PDGFC: variants seen among roughly 807,000 people sequenced by gnomAD.
PDGFC encodes platelet-derived growth factor C.
In PDGFC, 12 loss-of-function variants were observed where a neutral mutation model predicts 35.5. That is an observed-to-expected ratio of 0.34 (90% CI 0.22 to 0.55). The LOEUF is 0.55. Ranked by LOEUF, PDGFC falls within the 20% of genes least tolerant of loss-of-function variation. PDGFC has a pLI of 0.91. For missense variants in PDGFC, 322 were observed against 412.4 expected (o/e 0.78, Z 1.90); for synonymous variants, 159 against 148.8 (o/e 1.07, Z -0.50).
chr4:156,948,968 G>A (rs1181834642), intron 1 of PDGFC, among the ~76,000 whole-genome samples: 1 of 151,848 alleles, frequency 6.6e-6, no homozygotes, highest in East Asian at 1.9e-4. Context: ...CTAGCCAAGG[G>A]ACCAGTGTGA....
intron 2 of PDGFC, among the ~76,000 whole-genome samples, chr4:156,813,051 G>A (rs1227434745): frequency 2.0e-5 from 3 of 152,080 alleles, no homozygotes; most frequent in Admixed American, 1.3e-4. Flanking sequence ...TGTGTGTGCG[G>A]GATGTGGAAG....
intron 1 of PDGFC, among the ~76,000 whole-genome samples, chr4:156,873,151 T>G (rs1316676492): frequency 6.6e-6 from 1 of 152,114 alleles, no homozygotes; most frequent in Non-Finnish European, 1.5e-5. Flanking sequence ...AGAAGAATGC[T>G]CATATATAAT....
At chr4:156,818,411 A>G (rs1732151194) in intron 2 of PDGFC, among the ~76,000 whole-genome samples, 2 of 151,086 alleles carry the variant, frequency 1.3e-5, no homozygotes, top group Non-Finnish European at 1.5e-5. Context: ...TAGTGTCTTC[A>G]CCGGAGTTGT....
chr4:156,871,369 G>A (rs1303099515), intron 1 of PDGFC, among the ~76,000 whole-genome samples: 3 of 152,110 alleles, frequency 2.0e-5, no homozygotes, highest in African/African-American at 7.2e-5. Flanking sequence ...AGGACCCAGT[G>A]AGTCTAACCA....
chr4:156,947,608 T>C (rs1283948323), intron 1 of PDGFC, among the ~76,000 whole-genome samples: 1 of 152,016 alleles, frequency 6.6e-6, no homozygotes, highest in Non-Finnish European at 1.5e-5. Flanking sequence ...AGAGGTGGTA[T>C]CACAAAACAA....
chr4:156,784,081 C>G (rs1357885472), intron 3 of PDGFC, among the ~76,000 whole-genome samples: 1 of 152,150 alleles, frequency 6.6e-6, no homozygotes, highest in Non-Finnish European at 1.5e-5. Context: ...ATATATCCAG[C>G]AGACAACTGC....
At chr4:156,778,753 T>C (rs1730895530) in intron 3 of PDGFC, among the ~76,000 whole-genome samples, 1 of 152,210 alleles carries the variant, frequency 6.6e-6, no homozygotes. Context: ...TGAATCTTCC[T>C]TGGACAAATA....
At chr4:156,819,997 G>A (rs1360854426) in intron 2 of PDGFC, among the ~76,000 whole-genome samples, 1 of 152,210 alleles carries the variant, frequency 6.6e-6, no homozygotes, top group African/African-American at 2.4e-5. Flanking sequence ...GGAAGTAACT[G>A]CACAGGTGGT....
rs755171564 is a variant in PDGFC at position 156,850,075 on chromosome 4, CAT to C, written c.314+144_314+145del. The C allele has an allele frequency of 3.0e-4, 145 of 478,660 alleles. 1 individual carries two copies. The highest frequency in any genetic ancestry group is 3.2e-4 in the Non-Finnish European group (87 of 274,460). 29.7% of individuals were successfully genotyped at this position (478,660 alleles called of 1,614,324 possible). On this transcript the variant is annotated intron_variant, in intron 2 of 5. Transcript: ENST00000502773. ...TTTTAAATGAAGACTTCAAATAAAA[CAT>C]AGCTTCAATAAGGCTGGAAATTTCT...
At chr4:156,898,404 T>G (rs1162063914) in intron 1 of PDGFC, among the ~76,000 whole-genome samples, 2 of 152,186 alleles carry the variant, frequency 1.3e-5, no homozygotes, top group African/African-American at 4.8e-5. Flanking sequence ...AACTAATAAC[T>G]ACTGAAGTGA....
At chr4:156,851,675 G>A (rs1324942684) in intron 1 of PDGFC, among the ~76,000 whole-genome samples, 2 of 152,252 alleles carry the variant, frequency 1.3e-5, no homozygotes, top group Non-Finnish European at 2.9e-5. Context: ...CCATCGCGGT[G>A]GCTCACGCCT....
intron 1 of PDGFC, among the ~76,000 whole-genome samples, chr4:156,881,265 T>G (rs1730234403): frequency 1.3e-5 from 2 of 152,206 alleles, no homozygotes; most frequent in African/African-American, 2.4e-5. Flanking sequence ...TGTTAAGACT[T>G]TTTGCAATAA....
At chr4:156,826,501 T>C (rs79452763) in intron 2 of PDGFC, among the ~76,000 whole-genome samples, 9,029 of 152,054 alleles carry the variant, frequency 0.059, 881 homozygotes, top group African/African-American at 0.21. Context: ...CATGCCATTG[T>C]AATTTTTGGT....
intron 1 of PDGFC, among the ~76,000 whole-genome samples, chr4:156,873,173 A>C (rs947712182): frequency 2.0e-5 from 3 of 152,206 alleles, no homozygotes; most frequent in Admixed American, 1.3e-4. Context: ...CTAAATGTAT[A>C]ATGAGATTAC....
intron 1 of PDGFC, among the ~76,000 whole-genome samples, chr4:156,926,804 T>A (rs1487261766): frequency 6.6e-6 from 1 of 152,150 alleles, no homozygotes; most frequent in Non-Finnish European, 1.5e-5. Context: ...TCAGAGGATC[T>A]AGCATTCCAG....
chr4:156,777,382 T>C (rs1296377510), intron 3 of PDGFC, among the ~76,000 whole-genome samples: 1 of 152,200 alleles, frequency 6.6e-6, no homozygotes, highest in Non-Finnish European at 1.5e-5. Flanking sequence ...ACTCACAGTA[T>C]CTCAGAATGC....
intron 1 of PDGFC, among the ~76,000 whole-genome samples, chr4:156,921,915 AC>A (rs1173222331): frequency 2.0e-5 from 3 of 152,066 alleles, no homozygotes; most frequent in Non-Finnish European, 2.9e-5. Flanking sequence ...ACACAAACAC[AC>A]ACTAGTATTT....
intron 3 of PDGFC, among the ~76,000 whole-genome samples, chr4:156,792,396 TA>T (rs922428043): frequency 2.0e-5 from 3 of 150,252 alleles, no homozygotes; most frequent in Non-Finnish European, 2.9e-5. Context: ...AGTTAGAATG[TA>T]AAAGTCACAT....
intron 2 of PDGFC, among the ~76,000 whole-genome samples, chr4:156,811,605 G>A (rs1407481072): frequency 2.0e-5 from 3 of 152,048 alleles, no homozygotes; most frequent in African/African-American, 7.2e-5. Context: ...AACCATATAT[G>A]TGTATAAGTG....
Sources: gnomAD v4.1 joint callset for allele counts (sites outside exome capture counted in the v4.1 genomes callset) on GRCh38, gnomAD v4.1.1 for gene constraint, MANE v1.5 for transcripts, NCBI Gene and HGNC (gene_info 2026-07-23, HGNC 2026-07-21) for gene names.